Variants in FTO observed in about 807,000 individuals in gnomAD.
FTO encodes the protein alpha-ketoglutarate-dependent dioxygenase FTO.
FTO carries 47 observed loss-of-function variants against 63.9 expected under a neutral mutation model. The ratio of observed to expected loss-of-function variants is 0.74; its 90% confidence interval spans 0.58 to 0.94. The LOEUF is 0.94. Ranked by LOEUF, FTO falls within the 40% of genes least tolerant of loss-of-function variation. The pLI is 0.00. For synonymous variants in FTO, 207 were observed against 224.4 expected, an observed-to-expected ratio of 0.92 and a Z score of 0.69; for missense variants, 562 against 618.1, an observed-to-expected ratio of 0.91 and a Z score of 0.96.
At chr16:53,934,846 C>T (rs964681445) in intron 8 of FTO, among the ~76,000 whole-genome samples, 3 of 152,126 alleles carry the variant, frequency 2.0e-5, no homozygotes, top group African/African-American at 4.8e-5. Context: ...AATGTTGTTA[C>T]GTGGCGATGA....
intron 8 of FTO, among the ~76,000 whole-genome samples, chr16:53,986,940 A>G (rs2083681184): frequency 2.6e-5 from 4 of 152,140 alleles, no homozygotes; most frequent in Admixed American, 6.5e-5. Flanking sequence ...TGTTGTTTGT[A>G]TGTTATTTTA....
chr16:53,755,713 T>C (rs2076908502), intron 1 of FTO, among the ~76,000 whole-genome samples: 2 of 152,166 alleles, frequency 1.3e-5, no homozygotes, highest in South Asian at 4.1e-4. Flanking sequence ...GGTGTGGCCA[T>C]GTGACTGAGA....
At chr16:54,020,570 C>T (rs555983807) in intron 8 of FTO, among the ~76,000 whole-genome samples, 86 of 147,836 alleles carry the variant, frequency 5.8e-4, no homozygotes, top group Middle Eastern at 3.4e-3. Flanking sequence ...GGAAAAATGA[C>T]TTGAATCAAA....
At chr16:54,085,627 A>G (rs1447061219) in intron 8 of FTO, among the ~76,000 whole-genome samples, 1 of 150,676 alleles carries the variant, frequency 6.6e-6, no homozygotes, top group Non-Finnish European at 1.5e-5. Context: ...TATCAAAAGA[A>G]AAGGTGACCT....
chr16:53,767,176 C>A (rs988463793), intron 1 of FTO, among the ~76,000 whole-genome samples: 1 of 152,100 alleles, frequency 6.6e-6, no homozygotes, highest in South Asian at 2.1e-4. Flanking sequence ...AATCCTTAGC[C>A]CTGTTTAGTC....
At chr16:54,005,026 C>T (rs1441059601) in intron 8 of FTO, among the ~76,000 whole-genome samples, 3 of 147,498 alleles carry the variant, frequency 2.0e-5, no homozygotes, top group Admixed American at 6.9e-5. Flanking sequence ...GCCGAGATCG[C>T]GCCACGGCAC....
intron 8 of FTO, among the ~76,000 whole-genome samples, chr16:54,055,920 A>C (rs1326384882): frequency 6.6e-6 from 1 of 152,210 alleles, no homozygotes; most frequent in Admixed American, 6.5e-5. Flanking sequence ...GTTTTGATAC[A>C]AAGTTATTAT....
chr16:53,796,395 A>G (rs2078072699), intron 1 of FTO, among the ~76,000 whole-genome samples: 2 of 152,196 alleles, frequency 1.3e-5, no homozygotes, highest in African/African-American at 4.8e-5. Flanking sequence ...AGAGATTGAT[A>G]AAGTGTATTG....
intron 1 of FTO, among the ~76,000 whole-genome samples, chr16:53,788,869 C>T (rs1227459420): frequency 6.6e-6 from 1 of 151,940 alleles, no homozygotes; most frequent in Non-Finnish European, 1.5e-5. Context: ...GTAATAGGAA[C>T]CAGGTGTTTG....
rs545386173 is a variant in FTO at position 53,711,093 on chromosome 16, A to T, written c.45+6864A>T. 2.6e-5 allele frequency among the ~76,000 whole-genome samples: 4 copies of T among 152,270 alleles called. No homozygotes were observed. The South Asian group carries it at 8.3e-4, about 32-fold the overall frequency. ...AGTAAAAATAAACATTGTTATCATCATCATTATCACCATCATCACCACCAC... is the reference window on the plus strand; with the variant it reads ...AGTAAAAATAAACATTGTTATCATCTTCATTATCACCATCATCACCACCAC... On this transcript the variant is annotated intron_variant, in intron 1 of 8. Transcript: ENST00000471389.
At chr16:53,976,987 T>C (rs1339734873) in intron 8 of FTO, among the ~76,000 whole-genome samples, 1 of 152,140 alleles carries the variant, frequency 6.6e-6, no homozygotes, top group Admixed American at 6.5e-5. Context: ...CTTTTGTTGG[T>C]CTCTTTTTCC....
At chr16:53,764,731 T>C (rs758872752) in intron 1 of FTO, among the ~76,000 whole-genome samples, 1 of 149,454 alleles carries the variant, frequency 6.7e-6, no homozygotes, top group African/African-American at 2.4e-5. Context: ...TTTTTTTAAA[T>C]TTTTTTTTGA....
At chr16:53,924,432 C>T (rs573012535) in intron 7 of FTO, among the ~76,000 whole-genome samples, 9 of 152,236 alleles carry the variant, frequency 5.9e-5, no homozygotes, top group Admixed American at 2.6e-4. Flanking sequence ...GTGAACTCTG[C>T]GGAGATGTTC....
chr16:53,863,252 C>T (rs1325723226), intron 4 of FTO, among the ~76,000 whole-genome samples: 1 of 152,172 alleles, frequency 6.6e-6, no homozygotes, highest in African/African-American at 2.4e-5. Context: ...GATCAAAGTG[C>T]CTCCATTCCT....
intron 8 of FTO, among the ~76,000 whole-genome samples, chr16:54,008,785 A>G (rs2084268315): frequency 6.7e-6 from 1 of 150,272 alleles, no homozygotes; most frequent in East Asian, 1.9e-4. Flanking sequence ...CTGGGTAACC[A>G]AGTGAGACCC....
intron 1 of FTO, among the ~76,000 whole-genome samples, chr16:53,757,331 C>T (rs2076947732): frequency 1.3e-5 from 2 of 151,990 alleles, no homozygotes; most frequent in Non-Finnish European, 2.9e-5. Flanking sequence ...CATCACTGAA[C>T]ATATTTATGG....
chr16:53,891,053 C>T (rs546486464), intron 7 of FTO, among the ~76,000 whole-genome samples: 2 of 151,112 alleles, frequency 1.3e-5, no homozygotes, highest in Non-Finnish European at 2.9e-5. Context: ...TGCGATGGCG[C>T]GATCTCAGCT....
intron 8 of FTO, among the ~76,000 whole-genome samples, chr16:54,048,565 C>T (rs757555699): frequency 1.3e-4 from 20 of 152,300 alleles, no homozygotes; most frequent in Admixed American, 9.1e-4. Context: ...AAGATCACTT[C>T]AGGAAAAAGA....
At chr16:54,111,722 T>G in intron 8 of FTO, 40 bp from the exon 9 acceptor site, 2 of 1,613,284 alleles carry the variant, frequency 1.2e-6, no homozygotes, top group African/African-American at 2.7e-5. Context: ...CTTCTGGGGG[T>G]TTCCTCCCGT....
Sources: allele counts gnomAD v4.1 joint callset (sites outside exome capture counted in the v4.1 genomes callset), GRCh38; gene constraint gnomAD v4.1.1; transcripts MANE v1.5; gene names NCBI Gene and HGNC (gene_info 2026-07-23, HGNC 2026-07-21).